Variants in PTPRN2 observed in about 807,000 individuals in gnomAD.
PTPRN2 encodes receptor-type tyrosine-protein phosphatase N2.
In PTPRN2, 74 loss-of-function variants were observed where a neutral mutation model predicts 118.8. That is an observed-to-expected ratio of 0.62 (90% confidence interval 0.52 to 0.76). The LOEUF (loss-of-function observed/expected upper bound fraction) is 0.76, where lower values mean the gene tolerates loss of function less well. Among genes scored for constraint, PTPRN2 ranks in the 30% least tolerant of loss-of-function variants. PTPRN2 has a pLI of 0.00. For missense variants in PTPRN2, 1,481 were observed against 1,394.4 expected (o/e 1.06, Z -0.99); for synonymous variants, 641 against 608.0 (o/e 1.05, Z -0.80).
chr7:158,482,508 A>G (rs758805387), intron 2 of PTPRN2, among the ~76,000 whole-genome samples: 6 of 152,226 alleles, frequency 3.9e-5, no homozygotes, highest in Admixed American at 6.5e-5. Context: ...AGCTCAGGTG[A>G]TCATTAGCAT....
At chr7:157,860,709 G>A (rs1810169830) in intron 12 of PTPRN2, among the ~76,000 whole-genome samples, 1 of 152,228 alleles carries the variant, frequency 6.6e-6, no homozygotes, top group African/African-American at 2.4e-5. Flanking sequence ...AGATGATAGA[G>A]CTAGACAATT....
chr7:157,810,735 G>GCA (rs1805969640), intron 12 of PTPRN2, among the ~76,000 whole-genome samples: 1 of 118,316 alleles, frequency 8.5e-6, no homozygotes, highest in Non-Finnish European at 1.7e-5. Flanking sequence ...ACTGCTGGAG[G>GCA]CTGGCTCTCC....
At chr7:158,296,274 A>G (rs1318874585) in intron 3 of PTPRN2, among the ~76,000 whole-genome samples, 5 of 152,192 alleles carry the variant, frequency 3.3e-5, no homozygotes, top group Non-Finnish European at 7.3e-5. Context: ...GCACACCGGC[A>G]GAAGAACTCA....
chr7:157,602,935 C>T (rs1391708421), intron 16 of PTPRN2, among the ~76,000 whole-genome samples: 2 of 152,246 alleles, frequency 1.3e-5, no homozygotes, highest in Admixed American at 6.5e-5. Flanking sequence ...ATCCTGCAGG[C>T]ACCATGTTTG....
intron 3 of PTPRN2, among the ~76,000 whole-genome samples, chr7:158,284,200 T>A (rs1799621267): frequency 6.6e-6 from 1 of 152,196 alleles, no homozygotes; most frequent in Admixed American, 6.5e-5. Flanking sequence ...CTCACAAGAC[T>A]CAGTATTGGC....
chr7:158,307,379 G>T (rs1433998149), intron 3 of PTPRN2, among the ~76,000 whole-genome samples: 1 of 151,808 alleles, frequency 6.6e-6, no homozygotes, highest in Non-Finnish European at 1.5e-5. Context: ...TAGGTCAACT[G>T]AAATTATCCA....
chr7:157,923,976 C>G (rs1382236125), intron 11 of PTPRN2, among the ~76,000 whole-genome samples: 1 of 152,204 alleles, frequency 6.6e-6, no homozygotes, highest in Non-Finnish European at 1.5e-5. Flanking sequence ...TGGACCGTAT[C>G]TCAGCACTGT....
At chr7:157,666,888 T>C (rs537531233) in intron 13 of PTPRN2, among the ~76,000 whole-genome samples, 3 of 150,094 alleles carry the variant, frequency 2.0e-5, no homozygotes, top group East Asian at 2.0e-4. Context: ...GTGGGTGTGA[T>C]GAGTACGAGC....
At chr7:158,210,923 G>C (rs1413448347) in intron 3 of PTPRN2, among the ~76,000 whole-genome samples, 2 of 152,174 alleles carry the variant, frequency 1.3e-5, no homozygotes, top group Non-Finnish European at 2.9e-5. Flanking sequence ...CCAAAAGATA[G>C]AGGAGGAGGA....
chr7:157,837,654 C>T (rs867004215), intron 12 of PTPRN2, among the ~76,000 whole-genome samples: 14 of 152,298 alleles, frequency 9.2e-5, no homozygotes, highest in Middle Eastern at 6.8e-3. Context: ...TGCAAGGACA[C>T]GGTGCATCCA....
At chr7:157,830,110 T>C (rs1402433828) in intron 12 of PTPRN2, among the ~76,000 whole-genome samples, 2 of 128,842 alleles carry the variant, frequency 1.6e-5, no homozygotes, top group East Asian at 2.7e-4. Context: ...CCTGTCTTCC[T>C]GCTCTTGGTC....
At chr7:157,736,259 T>G (rs1800290707) in intron 12 of PTPRN2, among the ~76,000 whole-genome samples, 1 of 152,212 alleles carries the variant, frequency 6.6e-6, no homozygotes, top group Admixed American at 6.5e-5. Flanking sequence ...ATTCAGGGTT[T>G]AACTCTGGCC....
chr7:158,510,819 G>A (rs1181507022), intron 1 of PTPRN2, among the ~76,000 whole-genome samples: 2 of 152,224 alleles, frequency 1.3e-5, no homozygotes, highest in Non-Finnish European at 2.9e-5. Flanking sequence ...AAGCCGACAG[G>A]ACACTGAGGG....
At chr7:157,771,812 G>C (rs1244288614) in intron 12 of PTPRN2, among the ~76,000 whole-genome samples, 3 of 137,922 alleles carry the variant, frequency 2.2e-5, no homozygotes, top group Admixed American at 7.3e-5. Flanking sequence ...CAAACACACA[G>C]ACACAGACAC....
At chr7:158,376,476 A>C (rs1810523296) in intron 2 of PTPRN2, among the ~76,000 whole-genome samples, 1 of 127,052 alleles carries the variant, frequency 7.9e-6, no homozygotes, top group Non-Finnish European at 1.6e-5. Flanking sequence ...ACACGTCCTG[A>C]GAGGGGGGTC....
intron 22 of PTPRN2, among the ~76,000 whole-genome samples, chr7:157,546,998 GTGTTCTGGGCAAACTCACC>G (rs1798354049): frequency 6.6e-6 from 1 of 152,208 alleles, no homozygotes; most frequent in Non-Finnish European, 1.5e-5. Flanking sequence ...AAGCCAGTGT[GTGTTCTGGGCAAACTCACC>G]TGTCTGGAGG....
intron 2 of PTPRN2, among the ~76,000 whole-genome samples, chr7:158,410,583 A>C (rs1813965668): frequency 6.6e-6 from 1 of 152,196 alleles, no homozygotes. Flanking sequence ...AGCCTCCCTA[A>C]GCTTCGGTTT....
intron 12 of PTPRN2, among the ~76,000 whole-genome samples, chr7:157,786,574 G>A (rs1434792464): frequency 3.3e-5 from 5 of 152,158 alleles, no homozygotes; most frequent in Admixed American, 6.5e-5. Flanking sequence ...AGTTGGTGAC[G>A]GGGTGAGGAC....
At chr7:158,248,225 G>A (rs567077139) in intron 3 of PTPRN2, among the ~76,000 whole-genome samples, 24 of 152,180 alleles carry the variant, frequency 1.6e-4, no homozygotes, top group African/African-American at 2.9e-4. Flanking sequence ...TCAAACCATC[G>A]GGCTGGAGGC....
Sources: allele counts gnomAD v4.1 joint callset (sites outside exome capture counted in the v4.1 genomes callset), GRCh38; gene constraint gnomAD v4.1.1; transcripts MANE v1.5; gene names NCBI Gene and HGNC (gene_info 2026-07-23, HGNC 2026-07-21).